The following DOCK4 variants were observed in gnomAD, a reference collection of about 807,000 sequenced individuals.
DOCK4 encodes the protein dedicator of cytokinesis protein 4.
DOCK4 carries 97 observed loss-of-function variants against 268.1 expected under a neutral mutation model. That is an observed-to-expected ratio of 0.36 (90% confidence interval 0.31 to 0.43). The LOEUF (loss-of-function observed/expected upper bound fraction) is 0.43, where lower values mean the gene tolerates loss of function less well. Ranked by LOEUF, DOCK4 falls within the 20% of genes least tolerant of loss-of-function variation. The pLI, the probability that DOCK4 is intolerant of heterozygous loss-of-function variation, is 1.00. For missense variants in DOCK4, 2,145 were observed against 2,455.7 expected, an observed-to-expected ratio of 0.87 and a Z score of 2.67; for synonymous variants, 954 against 887.2, an observed-to-expected ratio of 1.08 and a Z score of -1.34.
chr7:111,761,878 A>C (rs1402499044), intron 39 of DOCK4, among the ~76,000 whole-genome samples: 2 of 152,234 alleles, frequency 1.3e-5, no homozygotes, highest in African/African-American at 4.8e-5. Flanking sequence ...GATAAAAGTT[A>C]CAATTTCTGA....
chr7:111,927,893 T>C (rs916893913), intron 12 of DOCK4, among the ~76,000 whole-genome samples: 1 of 152,184 alleles, frequency 6.6e-6, no homozygotes, highest in Non-Finnish European at 1.5e-5. Flanking sequence ...GCCCTCCGTA[T>C]ATTGGATGAA....
intron 15 of DOCK4, among the ~76,000 whole-genome samples, chr7:111,899,329 T>C (rs1790933734): frequency 6.6e-6 from 1 of 152,206 alleles, no homozygotes; most frequent in African/African-American, 2.4e-5. Flanking sequence ...GAGAGCCTGC[T>C]GCTTCTTCAA....
Position 111,741,188 on chromosome 7 carries a change from C to A in DOCK4, c.4946G>T (p.Arg1649Leu). 2 of 1,613,792 alleles carry A rather than the reference C, an allele frequency of 1.2e-6. No individual in the cohort carries two copies. The highest frequency in any genetic ancestry group is 1.1e-5 in the South Asian group (1 of 91,064). ...RSPLSYPAVN[R>L]YSSSSLSSQA... ...TGAGGACAGTGAGGAGGAAGAATAT[C>A]GGTTGACAGCTGGGTAACTTAACGG... Residue 1649 changes from arginine to leucine, a missense_variant, in exon 47 of 53, where the codon CGA (arginine) becomes CTA (leucine). Coordinates refer to ENST00000428084, the MANE Select transcript of DOCK4 (RefSeq NM_001363540.2).
At chr7:112,031,335 G>A (rs913358349) in intron 1 of DOCK4, among the ~76,000 whole-genome samples, 9 of 152,182 alleles carry the variant, frequency 5.9e-5, no homozygotes, top group Non-Finnish European at 8.8e-5. Flanking sequence ...CTCCTCACCT[G>A]GTGAAAGTGA....
intron 22 of DOCK4, among the ~76,000 whole-genome samples, chr7:111,866,950 T>C (rs890536048): frequency 2.0e-5 from 3 of 152,232 alleles, no homozygotes; most frequent in Non-Finnish European, 4.4e-5. Flanking sequence ...TAGCTAGTAG[T>C]GGGCAACTTG....
intron 1 of DOCK4, among the ~76,000 whole-genome samples, chr7:112,025,506 T>C (rs1802706786): frequency 6.6e-6 from 1 of 151,882 alleles, no homozygotes; most frequent in Admixed American, 6.5e-5. Flanking sequence ...TCTATCAGTG[T>C]GATAAGTTCC....
intron 51 of DOCK4, 161 bp from the exon 52 acceptor site, chr7:111,732,448 G>A: frequency 3.0e-6 from 2 of 660,440 alleles, no homozygotes; most frequent in Admixed American, 5.3e-5. Flanking sequence ...AATGATGCCT[G>A]TCTAGAATGG....
chr7:111,775,220 C>T (rs1016395022), intron 36 of DOCK4, among the ~76,000 whole-genome samples: 1 of 152,142 alleles, frequency 6.6e-6, no homozygotes, highest in Non-Finnish European at 1.5e-5. Context: ...ACAGTGGAAC[C>T]TCAGCTAGAG....
At chr7:111,934,540 T>G (rs1794549782) in intron 12 of DOCK4, among the ~76,000 whole-genome samples, 2 of 145,086 alleles carry the variant, frequency 1.4e-5, no homozygotes, top group South Asian at 4.4e-4. Flanking sequence ...TTTTTTTTTT[T>G]TTTTTTTTAG....
intron 1 of DOCK4, among the ~76,000 whole-genome samples, chr7:112,065,385 T>A (rs1363598800): frequency 1.3e-5 from 2 of 152,018 alleles, no homozygotes; most frequent in African/African-American, 4.8e-5. Flanking sequence ...CTGACCACCG[T>A]AGCGAAAGTT....
At chr7:111,896,148 T>A (rs1474432104) in intron 15 of DOCK4, among the ~76,000 whole-genome samples, 1 of 152,124 alleles carries the variant, frequency 6.6e-6, no homozygotes, top group Non-Finnish European at 1.5e-5. Context: ...TTACTACCCA[T>A]CAAAAGGGAA....
chr7:112,076,343 C>G (rs983682880), intron 1 of DOCK4, among the ~76,000 whole-genome samples: 1 of 151,936 alleles, frequency 6.6e-6, no homozygotes, highest in Non-Finnish European at 1.5e-5. Flanking sequence ...AATTTAGAAT[C>G]TGGGGAATCA....
chr7:112,049,760 A>G (rs895320946), intron 1 of DOCK4, among the ~76,000 whole-genome samples: 1 of 152,234 alleles, frequency 6.6e-6, no homozygotes, highest in African/African-American at 2.4e-5. Context: ...AGTAGCACAA[A>G]GATTATTGCA....
intron 1 of DOCK4, among the ~76,000 whole-genome samples, chr7:112,061,739 T>TCACACACACACACACA (rs61696712): frequency 2.2e-5 from 3 of 137,140 alleles, no homozygotes; most frequent in Admixed American, 7.3e-5. Context: ...ATTAACAATG[T>TCACACACACACACACA]CACACACACA....
At chr7:111,934,377 GCA>G (rs748877109) in intron 12 of DOCK4, among the ~76,000 whole-genome samples, 1 of 152,100 alleles carries the variant, frequency 6.6e-6, no homozygotes, top group Non-Finnish European at 1.5e-5. Context: ...CTCTGAACAA[GCA>G]CACACACATT....
At chr7:111,848,754 G>A (rs558267264) in intron 23 of DOCK4, among the ~76,000 whole-genome samples, 21 of 152,186 alleles carry the variant, frequency 1.4e-4, no homozygotes, top group African/African-American at 4.8e-4. Flanking sequence ...GCCTATTAAT[G>A]CAAACTTCCA....
At chr7:112,178,864 G>C (rs1218703082) in intron 1 of DOCK4, among the ~76,000 whole-genome samples, 5 of 152,198 alleles carry the variant, frequency 3.3e-5, no homozygotes, top group Non-Finnish European at 7.3e-5. Context: ...GATGGAGGCT[G>C]CCAAATCAGA....
At chr7:111,817,842 A>C (rs1439962199) in intron 27 of DOCK4, among the ~76,000 whole-genome samples, 1 of 152,058 alleles carries the variant, frequency 6.6e-6, no homozygotes, top group Non-Finnish European at 1.5e-5. Context: ...TTGACAGCAA[A>C]ACTCTTCCTG....
At chr7:111,757,413 T>A (rs1372718250) in intron 41 of DOCK4, among the ~76,000 whole-genome samples, 1 of 152,116 alleles carries the variant, frequency 6.6e-6, no homozygotes, top group African/African-American at 2.4e-5. Flanking sequence ...TTTCAGTGAT[T>A]TCTGACTATG....
Sources: allele counts gnomAD v4.1 joint callset (sites outside exome capture counted in the v4.1 genomes callset), GRCh38; gene constraint gnomAD v4.1.1; transcripts MANE v1.5; gene names NCBI Gene and HGNC (gene_info 2026-07-23, HGNC 2026-07-21).